Variants in NOL4L observed in about 807,000 individuals in gnomAD.
NOL4L encodes the protein nucleolar protein 4-like.
Under a neutral mutation model 64.5 loss-of-function variants are expected in NOL4L, and 7 were observed. The observed-to-expected ratio is 0.11, with a 90% CI of 0.06 to 0.20. NOL4L has a LOEUF of 0.20. Ranked by LOEUF, NOL4L falls within the 10% of genes least tolerant of loss-of-function variation. The pLI is 1.00. For missense variants in NOL4L, 680 were observed against 967.1 expected, an observed-to-expected ratio of 0.70 and a Z score of 3.94; for synonymous variants, 413 against 401.0, an observed-to-expected ratio of 1.03 and a Z score of -0.36.
chr20:32,561,005 C>T (rs1026219727), intron 1 of NOL4L: 1 of 152,318 alleles, frequency 6.6e-6, no homozygotes, highest in Non-Finnish European at 1.5e-5. Context: ...CAACTCCCTC[C>T]CGAGCAGAGC....
chr20:32,481,971 G>GGGC (rs2015750524), intron 4 of NOL4L, among the ~76,000 whole-genome samples: 1 of 148,690 alleles, frequency 6.7e-6, no homozygotes, highest in South Asian at 2.2e-4. Context: ...GGGCGGGGGG[G>GGGC]GGGGAGCAGG....
rs1302283492 is a variant in NOL4L, at chr20:32,508,053, G to C, written c.699+3294C>G. Among the ~76,000 whole-genome samples, 11 of 152,276 alleles carry C rather than the reference G, an allele frequency of 7.2e-5. No homozygotes were observed. The East Asian group carries it at 2.1e-3, about 29-fold the overall frequency. On this transcript the variant is annotated intron_variant, in intron 4 of 10. Transcript: ENST00000621426. ...TAAAATAAAACAAAATATTTATCCT[G>C]GTTACCGGTTACTTTAGAATTGGAT...
At position 32,496,933 on chromosome 20, in the gene NOL4L, G is replaced by A. The variant is rs202088619; in HGVS notation, c.699+14414C>T. On this transcript the variant is annotated intron_variant, in intron 4 of 10. Coordinates refer to ENST00000621426, the MANE Select transcript of NOL4L (RefSeq NM_001256798.2). ...CGGCCGTGAGCAGCAGCTGTGCTGT[G>A]TGCCTCTCAGTCTGAATAGGGGTCG... Among the ~76,000 whole-genome samples the A allele has an allele frequency of 1.7e-4, 26 of 151,984 alleles. No homozygotes were observed. In the East Asian group the frequency reaches 4.6e-3, roughly 27 times the overall value.
At chr20:32,491,698 C>CT (rs369366515) in intron 4 of NOL4L, among the ~76,000 whole-genome samples, 8 of 152,216 alleles carry the variant, frequency 5.3e-5, no homozygotes, top group African/African-American at 1.9e-4. Context: ...GCACATGCCT[C>CT]TTTTCCCTCC....
chr20:32,512,711 A>G (rs1317602225), intron 3 of NOL4L, among the ~76,000 whole-genome samples: 1 of 151,736 alleles, frequency 6.6e-6, no homozygotes, highest in Non-Finnish European at 1.5e-5. Context: ...TTTCCTTAAC[A>G]TTTTGTCATA....
In NOL4L at chr20:32,565,793, C is replaced by T. The variant is rs187359430; in HGVS notation, c.321+18777G>A. On this transcript the variant is annotated intron_variant, in intron 1 of 10. Transcript: ENST00000621426. ...AAACGTTAGGCACAGTGGCTCACGC[C>T]TGTAATCTGAGCATTTTGGGAGGCT... Among the ~76,000 whole-genome samples, 622 of 152,298 alleles carry T rather than the reference C, an allele frequency of 4.1e-3. 3 individuals carry two copies. Among genetic ancestry groups the T allele is most frequent in the Non-Finnish European group, 4.2e-3 (284 of 68,030 alleles).
At chr20:32,505,304 T>C (rs1172449762) in intron 4 of NOL4L, among the ~76,000 whole-genome samples, 2 of 152,044 alleles carry the variant, frequency 1.3e-5, no homozygotes, top group African/African-American at 2.4e-5. Flanking sequence ...TAAATGTAGT[T>C]AGCCAAAAAA....
chr20:32,574,884 C>T (rs932055654), intron 1 of NOL4L, among the ~76,000 whole-genome samples: 1 of 152,092 alleles, frequency 6.6e-6, no homozygotes, highest in Non-Finnish European at 1.5e-5. Context: ...GCGCCTTCAC[C>T]CCAGATCTGC....
At chr20:32,469,361 A>AT (rs11476277) in intron 5 of NOL4L, among the ~76,000 whole-genome samples, 88 of 150,244 alleles carry the variant, frequency 5.9e-4, no homozygotes, top group African/African-American at 2.0e-3. Context: ...TTATTTTTCT[A>AT]TTTTTTTTTC....
At chr20:32,521,469 C>T (rs1156548469) in intron 2 of NOL4L, among the ~76,000 whole-genome samples, 2 of 152,144 alleles carry the variant, frequency 1.3e-5, no homozygotes, top group Admixed American at 6.5e-5. Flanking sequence ...TGCAGGACCC[C>T]CATGTTCCAG....
chr20:32,524,641 G>T (rs2018062717), intron 2 of NOL4L, among the ~76,000 whole-genome samples: 1 of 152,186 alleles, frequency 6.6e-6, no homozygotes, highest in Non-Finnish European at 1.5e-5. Context: ...CCTCAGCCAG[G>T]AGCTTGATGC....
At chr20:32,484,826 T>C (rs2015985046) in intron 4 of NOL4L, among the ~76,000 whole-genome samples, 1 of 151,694 alleles carries the variant, frequency 6.6e-6, no homozygotes, top group Non-Finnish European at 1.5e-5. Flanking sequence ...AGGACTGGCA[T>C]CGCGGGGTGG....
chr20:32,468,504 C>T (rs2014737083), intron 5 of NOL4L, among the ~76,000 whole-genome samples: 1 of 152,184 alleles, frequency 6.6e-6, no homozygotes, highest in South Asian at 2.1e-4. Context: ...TGGTTGAGCA[C>T]CTATTCAGTG....
chr20:32,511,235 T>C, intron 4 of NOL4L, 112 bp downstream of exon 4: 1 of 679,038 alleles, frequency 1.5e-6, no homozygotes, highest in Non-Finnish European at 2.6e-6. Context: ...AAGGGCCTCT[T>C]TGATTTCCCG....
chr20:32,479,896 T>G lies in NOL4L; in HGVS notation c.700-5154A>C, dbSNP rs537737432. Among the ~76,000 whole-genome samples, 18 of 152,328 alleles carry G rather than the reference T, an allele frequency of 1.2e-4. No homozygotes were observed. The South Asian group carries it at 2.5e-3, about 21-fold the overall frequency. On this transcript the variant is annotated intron_variant, in intron 4 of 10. Transcript: ENST00000621426. ...AGAGGGAGAGGAGCTGACCAGACTC[T>G]CCCTGCTCTTATCTTCAGTCCAAAA...
rs541552340 is a variant in NOL4L, at chr20:32,488,495, T to C, written c.700-13753A>G. On this transcript the variant is annotated intron_variant, in intron 4 of 10. Transcript: ENST00000621426. The stretch of plus-strand genomic sequence containing the variant: ...ACATTTCATAATTGCACAATCGGGG[T>C]CACATCCCTCTCTCTAAATGCTACA... Among the ~76,000 whole-genome samples the C allele has an allele frequency of 4.3e-4, 65 of 152,318 alleles. 2 individuals carry two copies. The South Asian group carries it at 0.013, about 31-fold the overall frequency.
rs1163045026 is a variant in NOL4L at position 32,447,145 on chromosome 20, A to G, written c.*451T>C. The G allele has an allele frequency of 2.3e-6, 1 of 437,760 alleles. No homozygotes were observed. 27.1% of individuals were successfully genotyped at this position (437,760 alleles called of 1,614,324 possible). A position where few individuals can be genotyped will look rare whatever the true frequency, so the allele number is the denominator to read the frequency against. ...CTAGCAATCTGTACAAACACAAAAG[A>G]ATCCATTTTCAGAAAAATAAATTAC... On this transcript the variant is annotated 3_prime_UTR_variant, in exon 11 of 11. Transcript: ENST00000621426.
intron 1 of NOL4L, among the ~76,000 whole-genome samples, chr20:32,550,664 G>A (rs949049002): frequency 2.6e-5 from 4 of 152,150 alleles, no homozygotes; most frequent in East Asian, 1.9e-4. Flanking sequence ...GGCAGATCAT[G>A]AGGTCAGGAG....
chr20:32,482,855 T>A (rs983021379), intron 4 of NOL4L, among the ~76,000 whole-genome samples: 1 of 146,144 alleles, frequency 6.8e-6, no homozygotes, highest in Non-Finnish European at 1.5e-5. Context: ...TCCCTTCTCG[T>A]GGCGGCCGCG....
Sources: allele counts gnomAD v4.1 joint callset (sites outside exome capture counted in the v4.1 genomes callset), GRCh38; gene constraint gnomAD v4.1.1; transcripts MANE v1.5; gene names NCBI Gene and HGNC (gene_info 2026-07-23, HGNC 2026-07-21).